Variants in DDX11 observed in about 807,000 individuals in gnomAD.
The protein encoded by DDX11 is ATP-dependent DNA helicase DDX11.
A neutral mutation model predicts 125.2 loss-of-function variants in DDX11; 72 were observed. That is an observed-to-expected ratio of 0.58 (90% CI 0.48 to 0.70). The LOEUF is 0.70. Among genes scored for constraint, DDX11 ranks in the 30% least tolerant of loss-of-function variants. The probability of loss-of-function intolerance (pLI) is 0.00; values close to 1 mark genes in which losing one functional copy is unlikely to be tolerated. For synonymous variants in DDX11, 347 were observed against 452.6 expected (o/e 0.77, Z 2.96); for missense variants, 883 against 1,165.0 (o/e 0.76, Z 3.52).
intron 20 of DDX11, chr12:31,101,521 G>A: frequency 2.0e-6 from 1 of 500,238 alleles, no homozygotes. Context: ...GATTGTCGTT[G>A]TGGTGCCCAT....
chr12:31,082,466 G>T (rs1363021868), intron 2 of DDX11, among the ~76,000 whole-genome samples: 1 of 152,040 alleles, frequency 6.6e-6, no homozygotes, highest in African/African-American at 2.4e-5. Context: ...CTGGCACCTG[G>T]CTGTGGAGTT....
chr12:31,083,402 C>T (rs1274368595), intron 2 of DDX11, among the ~76,000 whole-genome samples: 3 of 152,122 alleles, frequency 2.0e-5, no homozygotes, highest in Admixed American at 1.3e-4. Flanking sequence ...GCACGAAGGC[C>T]GCGCGGTCAC....
intron 7 of DDX11, 37 bp from the exon 8 acceptor site, chr12:31,089,366 A>G: frequency 6.2e-7 from 1 of 1,608,182 alleles, no homozygotes; most frequent in Non-Finnish European, 8.5e-7. Context: ...TTTAGCTGGC[A>G]CCATCTTTTT....
Position 31,101,128 on chromosome 12 carries a change from A to G in DDX11, c.2050A>G (p.Met684Val). 6.2e-7 allele frequency: 1 copy of G among 1,614,000 alleles called. No homozygotes were observed. The highest frequency in any genetic ancestry group is 2.2e-5 in the East Asian group (1 of 44,858). The part of the protein sequence containing the change: ...FTFQKRELPQ[M>V]MDEVGRILCN... ...GTTCCAGAAAAGAGAGCTGCCTCAG[A>G]TGGTCAGTCCCAGCCAGCTCGCCGC... The change falls in exon 20 of 27, where the codon ATG becomes GTG. Residue 684 changes from methionine (M) to valine (V), a missense_variant and splice_region_variant. Met to Val is a conservative substitution (Grantham distance 21). Coordinates refer to ENST00000542838, the MANE Select transcript of DDX11 (RefSeq NM_030653.4).
At chr12:31,095,087 C>G (rs1246069899) in intron 14 of DDX11, among the ~76,000 whole-genome samples, 1 of 152,220 alleles carries the variant, frequency 6.6e-6, no homozygotes, top group Non-Finnish European at 1.5e-5. Context: ...CTCACTCCGT[C>G]TTCTGGCACA....
chr12:31,102,311 G>C lies in DDX11; in HGVS notation c.2271G>C (p.Gln757His). 1.2e-6 allele frequency: 2 copies of C among 1,614,136 alleles called. No individual in the cohort carries two copies. The highest frequency in any genetic ancestry group is 2.2e-5 in the South Asian group (2 of 91,080). The part of the protein sequence containing the change: ...QVLLAYSRCI[Q>H]ACGQERGQVT... ...TGCTGGCATATTCCAGGTGCATCCA[G>C]GTGCGGGCGTCATGCTGGGCTTGGG... is the stretch of plus-strand genomic sequence containing the variant. Residue 757 changes from glutamine to histidine, a missense_variant and splice_region_variant, in exon 22 of 27, where the codon CAG becomes CAC. Gln to His is a conservative substitution (Grantham distance 24, BLOSUM62 0). Around this residue, in one of 5 missense-constraint regions of DDX11, gnomAD observed 285 missense variants for 346.0 expected, o/e 0.82. Transcript: ENST00000542838.
Position 31,101,073 on chromosome 12 carries a change from C to A in DDX11, c.1995C>A (p.Ser665Arg). 1 of 1,614,138 alleles carries A rather than the reference C, an allele frequency of 6.2e-7. No homozygotes were observed. Among genetic ancestry groups the A allele is most frequent in the Non-Finnish European group, 8.5e-7 (1 of 1,179,994 alleles). ...ACATCCTGCCCCTCGTCATCTGCAG[C>A]GGGATCTCCAACCAGCCGCTGGAAT... ...PDNILPLVIC[S>R]GISNQPLEFT... Residue 665 changes from serine to arginine, a missense_variant, in exon 20 of 27, where the codon AGC becomes AGA. Physicochemically the swap from Ser to Arg is moderately radical, Grantham distance 110. Transcript: ENST00000542838.
rs746714944 is a variant in DDX11 at position 31,091,717 on chromosome 12, A to G, written c.1090-2A>G. The G allele has an allele frequency of 1.2e-5, 19 of 1,610,140 alleles. No homozygotes were observed. Among genetic ancestry groups the G allele is most frequent in the Non-Finnish European group, 1.6e-5 (19 of 1,178,416 alleles). ...CTCAGGTGGCCTCATCTCCCCTCCCAGCTGGTGGTGCTGCCCTATCAGATG... is the reference window on the plus strand; with the variant it reads ...CTCAGGTGGCCTCATCTCCCCTCCCGGCTGGTGGTGCTGCCCTATCAGATG... On this transcript the variant is annotated splice_acceptor_variant, in intron 9 of 26. Transcript: ENST00000542838. LOFTEE classifies it high-confidence loss of function.
chr12:31,101,236 A>G (rs1946322957), intron 20 of DDX11, 106 bp downstream of exon 20: 1 of 962,296 alleles, frequency 1.0e-6, no homozygotes, highest in Non-Finnish European at 1.7e-6. Flanking sequence ...GTGTTGGGGA[A>G]ATTGCACAGG....
In DDX11 at chr12:31,103,310, C is replaced by G; in HGVS notation, c.2458-7C>G. ...CAGTCCTGATGGGTCTTCCCCTTCA[C>G]TCCCAGCCCAGAGCCCCCGGCCAGG... On this transcript the variant is annotated splice_region_variant and splice_polypyrimidine_tract_variant and intron_variant, in intron 24 of 26. Coordinates refer to ENST00000542838, the MANE Select transcript of DDX11 (RefSeq NM_030653.4). The G allele has an allele frequency of 6.2e-7, 1 of 1,610,510 alleles. No homozygotes were observed. The highest frequency in any genetic ancestry group is 1.3e-5 in the African/African-American group (1 of 74,944).
rs2141071220 is a variant in DDX11 at position 31,104,095 on chromosome 12, T to A, written c.*259T>A. ...CAGCTCCCCTCCTGGAATAGAATCT[T>A]TCTTTCCATCCTGCATGGCTGAGAG... On this transcript the variant is annotated 3_prime_UTR_variant, in exon 27 of 27. Coordinates refer to ENST00000542838, the MANE Select transcript of DDX11 (RefSeq NM_030653.4). 1 of 1,511,356 alleles carries A rather than the reference T, an allele frequency of 6.6e-7. No individual in the cohort carries two copies. Among genetic ancestry groups the A allele is most frequent in the Non-Finnish European group, 8.9e-7 (1 of 1,128,656 alleles). 93.6% of individuals were successfully genotyped at this position (1,511,356 alleles called of 1,614,324 possible).
chr12:31,088,411 A>G (rs10843881), intron 6 of DDX11, among the ~76,000 whole-genome samples: 81,749 of 151,924 alleles, frequency 0.54, 23,206 homozygotes, highest in East Asian at 0.82. Context: ...GCTGGGTGGT[A>G]CGGGTAGGAC....
At chr12:31,096,801 G>A (rs979818680) in intron 16 of DDX11, 56 bp downstream of exon 16, 122 of 1,614,100 alleles carry the variant, frequency 7.6e-5, no homozygotes, top group Non-Finnish European at 1.0e-4. Flanking sequence ...AAGGACTTCT[G>A]TTCCTCATGT....
In DDX11 at chr12:31,084,972, C is replaced by A. The variant is rs1359896342; in HGVS notation, c.484C>A (p.Gln162Lys). 12 of 1,605,682 alleles carry A rather than the reference C, an allele frequency of 7.5e-6. No homozygotes were observed. Among genetic ancestry groups the A allele is most frequent in the Non-Finnish European group, 1.0e-5 (12 of 1,175,752 alleles). The change falls in exon 5 of 27, where the codon CAG becomes AAG. Residue 162 changes from glutamine (Q) to lysine (K), a missense_variant. By Grantham distance (53) the Gln-to-Lys change is moderately conservative (BLOSUM62 1). Coordinates refer to ENST00000542838, the MANE Select transcript of DDX11 (RefSeq NM_030653.4). ...QLKYAAKRLR[Q>K]EEEERENLLR... ...CACCTCCACTACCCCTGTCCAGAGG[C>A]AGGAAGAAGAAGAAAGAGAGAATCT...
chr12:31,089,291 C>T (rs755979139), intron 7 of DDX11, 112 bp from the exon 8 acceptor site: 34 of 1,399,296 alleles, frequency 2.4e-5, no homozygotes, highest in African/African-American at 9.9e-5. Context: ...CTGACCTGGC[C>T]GGCCCAGCAC....
rs754894730 is a variant in DDX11 at position 31,102,546 on chromosome 12, C to G, written c.2372+19C>G. ...TAGGCCGGTAAGTAGTGGTTCTGCT[C>G]GTCTCCTGGGCCGTGATACATGGCC... On this transcript the variant is annotated intron_variant, in intron 23 of 26. Coordinates refer to ENST00000542838, the MANE Select transcript of DDX11 (RefSeq NM_030653.4). 1.9e-6 allele frequency: 3 copies of G among 1,608,770 alleles called. No individual in the cohort carries two copies. Among genetic ancestry groups the G allele is most frequent in the South Asian group, 1.1e-5 (1 of 90,912 alleles).
rs1945600027 is a variant in DDX11 at position 31,097,894 on chromosome 12, G to A, written c.1772G>A (p.Ser591Asn). ...CGATCTGTTTTTCCAGGCAGCCTCA[G>A]TCAGAGCACCCTGAAGTTTTTGCTC... The part of the protein sequence containing the change: ...RVILSRQGSL[S>N]QSTLKFLLLN... The change falls in exon 18 of 27, where the codon AGT becomes AAT. Residue 591 changes from serine (S) to asparagine (N), a missense_variant. This residue lies in a region of DDX11 where 241 missense variants were observed against 279.7 expected (regional missense o/e 0.86). Transcript: ENST00000542838. 3 of 1,612,870 alleles carry A rather than the reference G, an allele frequency of 1.9e-6. No individual in the cohort carries two copies. Among genetic ancestry groups the A allele is most frequent in the Non-Finnish European group, 2.5e-6 (3 of 1,179,348 alleles).
At position 31,087,894 on chromosome 12, in the gene DDX11, T is replaced by C. The variant is rs376976282; in HGVS notation, c.639-44T>C. 8.8e-6 allele frequency: 14 copies of C among 1,593,772 alleles called. No homozygotes were observed. In the African/African-American group the frequency reaches 1.5e-4, roughly 17 times the overall value. ...CAGATGCTCAGTGCGTTTTGCTGAG[T>C]TTGCTGAGGGAAGACTGTTTTCTGT... On this transcript the variant is annotated intron_variant, in intron 5 of 26. Transcript: ENST00000542838.
chr12:31,075,496 A>T (rs928459846), intron 1 of DDX11, among the ~76,000 whole-genome samples: 4 of 151,800 alleles, frequency 2.6e-5, no homozygotes, highest in African/African-American at 9.7e-5. Context: ...ATATAAGTTT[A>T]CTGAGTCTCA....
Sources: gnomAD v4.1 joint callset for allele counts (sites outside exome capture counted in the v4.1 genomes callset) on GRCh38, gnomAD v4.1.1 for gene constraint, gnomAD v4.1.1 regional missense constraint, MANE v1.5 for transcripts, NCBI Gene and HGNC (gene_info 2026-07-23, HGNC 2026-07-21) for gene names.